Variants in CMTM8 observed in about 807,000 individuals in gnomAD.
CMTM8 encodes CKLF like MARVEL transmembrane domain containing 8, also known as CKLF-like MARVEL transmembrane domain-containing protein 8.
Under a neutral mutation model 18.6 loss-of-function variants are expected in CMTM8, and 12 were observed. The ratio of observed to expected loss-of-function variants is 0.65; its 90% CI spans 0.41 to 1.05. The LOEUF is 1.05. Ranked by LOEUF, CMTM8 falls within the 50% of genes least tolerant of loss-of-function variation. The pLI, the probability that CMTM8 is intolerant of heterozygous loss-of-function variation, is 0.00. For missense variants in CMTM8, 217 were observed against 227.2 expected (o/e 0.95, Z 0.29); for synonymous variants, 87 against 90.6 (o/e 0.96, Z 0.23).
At chr3:32,290,209 A>C (rs191962305) in intron 1 of CMTM8, among the ~76,000 whole-genome samples, 24 of 152,372 alleles carry the variant, frequency 1.6e-4, no homozygotes, top group Admixed American at 4.6e-4. Context: ...AGTGTTCAGC[A>C]TGATTGCTTA....
At chr3:32,348,601 C>T (rs1696647485) in intron 1 of CMTM8, among the ~76,000 whole-genome samples, 1 of 136,474 alleles carries the variant, frequency 7.3e-6, no homozygotes, top group Non-Finnish European at 1.5e-5. Context: ...TAGGCTCAAG[C>T]AATCCTCCTA....
Position 32,304,880 on chromosome 3 carries a change from G to T in CMTM8, c.148-52493G>T, listed in dbSNP as rs182204727. Among the ~76,000 whole-genome samples the T allele has an allele frequency of 2.7e-3, 407 of 152,302 alleles. 3 individuals carry two copies. The highest frequency in any genetic ancestry group is 9.2e-3 in the African/African-American group (383 of 41,566). ...ACAGATTTAAACTTTGTAAATAAAAGGTTTGACTAAAGCTTATGAGGAGGA... is the reference window on the plus strand; with the variant it reads ...ACAGATTTAAACTTTGTAAATAAAATGTTTGACTAAAGCTTATGAGGAGGA... On this transcript the variant is annotated intron_variant, in intron 1 of 3. Coordinates refer to ENST00000307526, the MANE Select transcript of CMTM8 (RefSeq NM_178868.5).
chr3:32,296,924 C>A lies in CMTM8; in HGVS notation c.147+57805C>A, dbSNP rs73824660. 3.5e-3 allele frequency among the ~76,000 whole-genome samples: 537 copies of A among 152,272 alleles called. 5 individuals carry two copies. The highest frequency in any genetic ancestry group is 0.012 in the African/African-American group (516 of 41,548). ...CAGCAGAGCCGTCCACCATGACCTC[C>A]ACATTTTCGTTATTGTAAATAAGGG... On this transcript the variant is annotated intron_variant, in intron 1 of 3. Transcript: ENST00000307526.
rs1214211271 is a variant in CMTM8, at chr3:32,370,030, G to C, written c.*63G>C. On this transcript the variant is annotated 3_prime_UTR_variant, in exon 4 of 4. Coordinates refer to ENST00000307526, the MANE Select transcript of CMTM8 (RefSeq NM_178868.5). ...GACTCTCACTGTAAAAACAGCTGTA[G>C]GTATAATGTATATTCCCAGAGAATT... is the stretch of plus-strand genomic sequence containing the variant. 3.4e-6 allele frequency: 3 copies of C among 875,376 alleles called. No individual in the cohort carries two copies. The African/African-American group carries it at 5.0e-5, about 15-fold the overall frequency. 54.2% of individuals were successfully genotyped at this position (875,376 alleles called of 1,614,324 possible).
Position 32,322,747 on chromosome 3 carries a change from C to T in CMTM8, c.148-34626C>T, listed in dbSNP as rs993538224. On this transcript the variant is annotated intron_variant, in intron 1 of 3. Transcript: ENST00000307526. ...CATAGTACTCCCTGGGAAATTAGAC[C>T]TGAGACCGAGTTGCTGTAAGTCTGT... 2.1e-4 allele frequency among the ~76,000 whole-genome samples: 32 copies of T among 152,200 alleles called. 2 individuals are homozygous for T. Among genetic ancestry groups the T allele is most frequent in the Non-Finnish European group, 1.5e-5 (1 of 68,034 alleles).
chr3:32,267,983 T>C (rs1391050839), intron 1 of CMTM8, among the ~76,000 whole-genome samples: 2 of 152,208 alleles, frequency 1.3e-5, no homozygotes, highest in Non-Finnish European at 2.9e-5. Flanking sequence ...GGAACACTTT[T>C]ACACTGTTGG....
chr3:32,338,463 G>GA lies in CMTM8; in HGVS notation c.148-18904dup, dbSNP rs542451041. ...AAGCATTAAATCATGTTCTCTGGAA[G>GA]AAAAAACATGAGACTGATATCACTG... On this transcript the variant is annotated intron_variant, in intron 1 of 3. Coordinates refer to ENST00000307526, the MANE Select transcript of CMTM8 (RefSeq NM_178868.5). 3.9e-4 allele frequency among the ~76,000 whole-genome samples: 59 copies of GA among 152,236 alleles called. 1 individual carries two copies. The East Asian group carries it at 0.011, about 28-fold the overall frequency.
chr3:32,240,994 C>T (rs376393708), intron 1 of CMTM8, among the ~76,000 whole-genome samples: 9 of 152,192 alleles, frequency 5.9e-5, no homozygotes, highest in Admixed American at 3.3e-4. Context: ...CTCTGTGTTG[C>T]CCAGGCTGCT....
intron 1 of CMTM8, among the ~76,000 whole-genome samples, chr3:32,295,407 G>C (rs1702855337): frequency 8.2e-6 from 1 of 122,094 alleles, no homozygotes; most frequent in South Asian, 2.9e-4. Flanking sequence ...AGTAAGCCAA[G>C]ATTGCAACAC....
chr3:32,306,118 G>C (rs1397578553), intron 1 of CMTM8, among the ~76,000 whole-genome samples: 1 of 152,140 alleles, frequency 6.6e-6, no homozygotes, highest in Non-Finnish European at 1.5e-5. Context: ...TGAGTGGTTT[G>C]GCTGATTTGT....
chr3:32,367,836 C>T (rs1479314255), intron 2 of CMTM8, 36 bp from the exon 3 acceptor site: 2 of 1,439,948 alleles, frequency 1.4e-6, no homozygotes, highest in Non-Finnish European at 2.0e-6. Context: ...CAGACCCTCC[C>T]CTCTCCCTAA....
intron 1 of CMTM8, among the ~76,000 whole-genome samples, chr3:32,333,164 C>A (rs1044202546): frequency 6.6e-6 from 1 of 152,192 alleles, no homozygotes; most frequent in Admixed American, 6.5e-5. Flanking sequence ...GTGAGCATGG[C>A]TGTGTTCTAA....
chr3:32,361,288 T>TTTTTTTTTG (rs1278506563), intron 2 of CMTM8, among the ~76,000 whole-genome samples: 6 of 147,202 alleles, frequency 4.1e-5, no homozygotes, highest in African/African-American at 7.5e-5. Flanking sequence ...GCCTAAGAGT[T>TTTTTTTTTG]TTTTTTTCTT....
At chr3:32,312,373 G>A (rs919946103) in intron 1 of CMTM8, among the ~76,000 whole-genome samples, 2 of 152,154 alleles carry the variant, frequency 1.3e-5, no homozygotes, top group African/African-American at 2.4e-5. Flanking sequence ...GGCAGTTCCT[G>A]TGACCCCCAC....
rs1253724423 is a variant in CMTM8, at chr3:32,326,768, G to A, written c.148-30605G>A. On this transcript the variant is annotated intron_variant, in intron 1 of 3. Transcript: ENST00000307526. Reference sequence around the variant, plus strand: ...TGACCTCAAGTGATCCACCTACCTTGGCCTCCCAAAGTGCTAGGATTTCAG... The same window carrying A: ...TGACCTCAAGTGATCCACCTACCTTAGCCTCCCAAAGTGCTAGGATTTCAG... 2.0e-5 allele frequency among the ~76,000 whole-genome samples: 3 copies of A among 152,036 alleles called. No individual in the cohort carries two copies. In the East Asian group the frequency reaches 5.8e-4, roughly 29 times the overall value.
intron 1 of CMTM8, among the ~76,000 whole-genome samples, chr3:32,271,885 G>A (rs188067220): frequency 5.0e-4 from 76 of 152,168 alleles, no homozygotes; most frequent in African/African-American, 1.4e-3. Flanking sequence ...ATAATTTATC[G>A]TATTTTCTTG....
At chr3:32,326,764 C>T (rs1433072618) in intron 1 of CMTM8, among the ~76,000 whole-genome samples, 1 of 152,134 alleles carries the variant, frequency 6.6e-6, no homozygotes, top group Admixed American at 6.5e-5. Flanking sequence ...GATCCACCTA[C>T]CTTGGCCTCC....
chr3:32,304,656 G>T (rs1695688075), intron 1 of CMTM8, among the ~76,000 whole-genome samples: 1 of 152,200 alleles, frequency 6.6e-6, no homozygotes, highest in African/African-American at 2.4e-5. Flanking sequence ...TCCAGATGAG[G>T]TTATTAAAAT....
At chr3:32,355,976 C>A (rs761999785) in intron 1 of CMTM8, among the ~76,000 whole-genome samples, 1 of 152,168 alleles carries the variant, frequency 6.6e-6, no homozygotes, top group Non-Finnish European at 1.5e-5. Context: ...CCATCATAGA[C>A]CCTTATCATA....
Sources: allele counts gnomAD v4.1 joint callset (sites outside exome capture counted in the v4.1 genomes callset), GRCh38; gene constraint gnomAD v4.1.1; transcripts MANE v1.5; gene names NCBI Gene and HGNC (gene_info 2026-07-23, HGNC 2026-07-21).